The following KXD1 variants were observed in gnomAD, a reference collection of about 807,000 sequenced individuals.
KXD1 encodes KxDL motif containing 1.
In KXD1, 5 loss-of-function variants were observed where a neutral mutation model predicts 12.1. The ratio of observed to expected loss-of-function variants is 0.41; its 90% CI spans 0.22 to 0.87. The LOEUF is 0.87. Ranked by LOEUF, KXD1 falls within the 40% of genes least tolerant of loss-of-function variation. The probability of loss-of-function intolerance (pLI) is 0.31; values close to 1 mark genes in which losing one functional copy is unlikely to be tolerated. For missense variants in KXD1, 193 were observed against 244.9 expected, an observed-to-expected ratio of 0.79 and a Z score of 1.41; for synonymous variants, 98 against 100.5, an observed-to-expected ratio of 0.98 and a Z score of 0.15.
chr19:18,568,291 G>T, intron 4 of KXD1, 111 bp from the exon 5 acceptor site: 278 of 686,272 alleles, frequency 4.1e-4, no homozygotes, highest in Non-Finnish European at 6.5e-4. Flanking sequence ...AAAGGGTCAA[G>T]TCATACCCCC....
chr19:18,564,908 C>T lies in KXD1; in HGVS notation c.141C>T (p.Asn47=), dbSNP rs1234433208. 6 of 1,613,692 alleles carry T rather than the reference C, an allele frequency of 3.7e-6. No homozygotes were observed. Among genetic ancestry groups the T allele is most frequent in the Non-Finnish European group, 5.1e-6 (6 of 1,180,038 alleles). Residue 47 remains asparagine (N), a synonymous_variant, in exon 3 of 5, where the codon AAC becomes AAT. Transcript: ENST00000222307. The part of the protein sequence containing the change: ...RFEKTNEMLL[N]FNNLSSARLQ... ...AGAAGACCAATGAGATGCTGCTCAA[C>T]TTCAACAACCTGTCCAGTGCCCGCC...
chr19:18,563,131 T>G (rs944180637), intron 2 of KXD1, among the ~76,000 whole-genome samples: 2 of 149,996 alleles, frequency 1.3e-5, no homozygotes, highest in African/African-American at 2.5e-5. Flanking sequence ...ACAATTCTTC[T>G]TCCAATGTGG....
At chr19:18,567,106 C>T (rs373979878) in intron 3 of KXD1, 26 bp from the exon 4 acceptor site, 1 of 1,612,800 alleles carries the variant, frequency 6.2e-7, no homozygotes, top group Non-Finnish European at 8.5e-7. Context: ...GCAGGTTAAG[C>T]CCTGTGTGCC....
In KXD1 at chr19:18,567,125, C is replaced by G; in HGVS notation, c.255-7C>G. ...GTTAAGCCCTGTGTGCCTTCTCTCC[C>G]CTGCAGGACGCTGAAAGGGAAACTG... On this transcript the variant is annotated splice_region_variant and splice_polypyrimidine_tract_variant and intron_variant, in intron 3 of 4. Coordinates refer to ENST00000222307, the MANE Select transcript of KXD1 (RefSeq NM_024069.4). 6.2e-7 allele frequency: 1 copy of G among 1,614,056 alleles called. No homozygotes were observed. Among genetic ancestry groups the G allele is most frequent in the Non-Finnish European group, 8.5e-7 (1 of 1,179,960 alleles).
chr19:18,558,263 C>A (rs1220761338), intron 1 of KXD1: 3 of 152,088 alleles, frequency 2.0e-5, no homozygotes, highest in Admixed American at 2.0e-4. Context: ...GAGCCCCTCC[C>A]CACTTGGGGT....
chr19:18,565,044 G>GGAC, intron 3 of KXD1, 23 bp downstream of exon 3: 1 of 1,596,760 alleles, frequency 6.3e-7, no homozygotes, highest in East Asian at 2.2e-5. Flanking sequence ...TGCCACCCCA[G>GGAC]CCCAGCTGAC....
chr19:18,564,820 A>C (rs1254383011), intron 2 of KXD1, 49 bp from the exon 3 acceptor site: 1 of 1,604,478 alleles, frequency 6.2e-7, no homozygotes, highest in East Asian at 2.2e-5. Flanking sequence ...CAGGTTGGGC[A>C]GGGCCCTGAA....
At chr19:18,567,335 C>A in intron 4 of KXD1, 157 bp downstream of exon 4, 1 of 731,452 alleles carries the variant, frequency 1.4e-6, no homozygotes, top group Non-Finnish European at 2.4e-6. Flanking sequence ...AGGGTGCTGG[C>A]CTGGTCCTGT....
At chr19:18,563,159 A>C (rs1223602789) in intron 2 of KXD1, among the ~76,000 whole-genome samples, 1 of 152,150 alleles carries the variant, frequency 6.6e-6, no homozygotes, top group African/African-American at 2.4e-5. Context: ...AAATGAAAAG[A>C]CTGGACACCA....
intron 3 of KXD1, among the ~76,000 whole-genome samples, chr19:18,566,752 C>T (rs1975257866): frequency 6.6e-6 from 1 of 151,346 alleles, no homozygotes; most frequent in African/African-American, 2.4e-5. Flanking sequence ...AGGATGGCAC[C>T]ACTGCACTCC....
chr19:18,565,363 G>T (rs181284767), intron 3 of KXD1, among the ~76,000 whole-genome samples: 101 of 151,952 alleles, frequency 6.6e-4, no homozygotes, highest in Admixed American at 1.8e-3. Flanking sequence ...CGGAGTAGCT[G>T]GGATTACAGG....
At chr19:18,566,999 G>A in intron 3 of KXD1, 133 bp from the exon 4 acceptor site, 1 of 732,370 alleles carries the variant, frequency 1.4e-6, no homozygotes, top group Non-Finnish European at 2.4e-6. Flanking sequence ...GAAGATGTGA[G>A]GTGATGAACA....
At chr19:18,568,331 A>G (rs1024942767) in intron 4 of KXD1, 71 bp from the exon 5 acceptor site, 2 of 1,180,378 alleles carry the variant, frequency 1.7e-6, no homozygotes, top group Non-Finnish European at 2.5e-6. Context: ...TAGGGGTCAC[A>G]TGGACAATAA....
At chr19:18,566,348 T>G (rs1233889133) in intron 3 of KXD1, among the ~76,000 whole-genome samples, 1 of 151,580 alleles carries the variant, frequency 6.6e-6, no homozygotes, top group Non-Finnish European at 1.5e-5. Context: ...GGCGTCTGTA[T>G]TGCCAGCTAC....
intron 4 of KXD1, 176 bp downstream of exon 4, chr19:18,567,354 G>A (rs1975298227): frequency 1.5e-6 from 1 of 664,038 alleles, no homozygotes. Context: ...GTCAGCAGCT[G>A]GCAGAGTGGG....
In KXD1 at chr19:18,568,625, C is replaced by T. The variant is rs147166153; in HGVS notation, c.525C>T (p.Gly175=). 4.8e-5 allele frequency: 77 copies of T among 1,608,590 alleles called. No homozygotes were observed. Among genetic ancestry groups the T allele is most frequent in the Non-Finnish European group, 6.0e-5 (71 of 1,179,196 alleles). The change falls in exon 5 of 5, where the codon GGC becomes GGT. Residue 175 remains glycine (G), a synonymous_variant. Transcript: ENST00000222307. The part of the protein sequence containing the change: ...RSQTDDEEMT[G]E The stretch of plus-strand genomic sequence containing the variant: ...AGACAGATGACGAGGAGATGACGGG[C>T]GAATAGCCCTGCTGCCCGGTGCCTT...
In KXD1 at chr19:18,568,732, CCGTTCTGT is replaced by C; in HGVS notation, c.*103_*110del. The C allele has an allele frequency of 1.2e-6, 1 of 862,696 alleles. No individual in the cohort carries two copies. The highest frequency in any genetic ancestry group is 1.6e-5 in the South Asian group (1 of 61,114). The allele number at this position is 862,696 out of a possible 1,614,324, so 53.4% of individuals were successfully genotyped here. A position where few individuals can be genotyped will look rare whatever the true frequency, so the allele number is the denominator to read the frequency against. On this transcript the variant is annotated 3_prime_UTR_variant, in exon 5 of 5. Coordinates refer to ENST00000222307, the MANE Select transcript of KXD1 (RefSeq NM_024069.4). The stretch of plus-strand genomic sequence containing the variant: ...TGTCATCCAGGGCTCCTTTGCTGCC[CCGTTCTGT>C]CACCCAGGGCTCCTAGGGGGACAAG...
chr19:18,563,060 C>G (rs1305969096), intron 2 of KXD1, among the ~76,000 whole-genome samples: 1 of 152,070 alleles, frequency 6.6e-6, no homozygotes, highest in Admixed American at 6.6e-5. Context: ...TGATTTTTTT[C>G]TTTTTCTTTC....
intron 3 of KXD1, among the ~76,000 whole-genome samples, chr19:18,565,617 G>A (rs189617849): frequency 1.3e-5 from 2 of 152,300 alleles, no homozygotes; most frequent in African/African-American, 2.4e-5. Context: ...GGATTCAAGC[G>A]ATTCTTGTGC....
Sources: allele counts gnomAD v4.1 joint callset (sites outside exome capture counted in the v4.1 genomes callset), GRCh38; gene constraint gnomAD v4.1.1; transcripts MANE v1.5; gene names NCBI Gene and HGNC (gene_info 2026-07-23, HGNC 2026-07-21).